Variants in TRHDE observed in about 807,000 individuals in gnomAD.
TRHDE encodes thyrotropin-releasing hormone-degrading ectoenzyme.
A neutral mutation model predicts 125.7 loss-of-function variants in TRHDE; 72 were observed. The observed-to-expected ratio is 0.57, with a 90% CI of 0.47 to 0.70. The LOEUF is 0.70. Among genes scored for constraint, TRHDE ranks in the 30% least tolerant of loss-of-function variants. TRHDE has a pLI of 0.00. For synonymous variants in TRHDE, 509 were observed against 509.1 expected (o/e 1.00, Z 0.00); for missense variants, 1,110 against 1,327.1 (o/e 0.84, Z 2.54).
chr12:72,486,399 C>A (rs139454231), intron 5 of TRHDE, among the ~76,000 whole-genome samples: 30 of 152,208 alleles, frequency 2.0e-4, no homozygotes, highest in African/African-American at 7.2e-4. Context: ...AGACATGACA[C>A]CAAGAGAGAT....
intron 2 of TRHDE, among the ~76,000 whole-genome samples, chr12:72,218,702 A>G (rs1359284793): frequency 6.6e-6 from 1 of 152,074 alleles, no homozygotes; most frequent in Non-Finnish European, 1.5e-5. Flanking sequence ...CTGCATACAC[A>G]TAACTCTAAT....
chr12:72,138,162 G>A (rs560037099), intron 2 of TRHDE, among the ~76,000 whole-genome samples: 66 of 152,288 alleles, frequency 4.3e-4, no homozygotes, highest in African/African-American at 1.6e-3. Context: ...GGATCATGAG[G>A]TCAGGAGACT....
intron 6 of TRHDE, among the ~76,000 whole-genome samples, chr12:72,510,041 G>A (rs931287148): frequency 2.0e-5 from 3 of 152,062 alleles, no homozygotes; most frequent in African/African-American, 7.2e-5. Flanking sequence ...TTCATCACAT[G>A]TGACCTGACC....
At chr12:72,179,664 T>C (rs1236235358) in intron 2 of TRHDE, among the ~76,000 whole-genome samples, 1 of 152,120 alleles carries the variant, frequency 6.6e-6, no homozygotes, top group Non-Finnish European at 1.5e-5. Flanking sequence ...AACTCATGTA[T>C]GGCTTTTTTG....
chr12:72,161,410 C>T (rs932856468), intron 2 of TRHDE, among the ~76,000 whole-genome samples: 8 of 143,232 alleles, frequency 5.6e-5, no homozygotes, highest in Admixed American at 7.3e-5. Context: ...TCCAGCCTGG[C>T]GACAGAGCGA....
At chr12:72,623,395 C>T (rs1045579652) in intron 15 of TRHDE, among the ~76,000 whole-genome samples, 5 of 151,998 alleles carry the variant, frequency 3.3e-5, no homozygotes, top group Non-Finnish European at 7.4e-5. Flanking sequence ...TGGACTCACA[C>T]CATTGCATCA....
chr12:72,326,580 G>A (rs920578356), intron 2 of TRHDE, among the ~76,000 whole-genome samples: 8 of 152,054 alleles, frequency 5.3e-5, no homozygotes, highest in Non-Finnish European at 1.0e-4. Flanking sequence ...AAAAAATAGT[G>A]TTTGGATTAA....
chr12:72,154,303 A>T (rs1876449224), intron 2 of TRHDE, among the ~76,000 whole-genome samples: 1 of 152,050 alleles, frequency 6.6e-6, no homozygotes, highest in Non-Finnish European at 1.5e-5. Context: ...TGCACATGAG[A>T]TGGGTTTCCT....
chr12:72,338,738 T>C (rs767083025), intron 2 of TRHDE, among the ~76,000 whole-genome samples: 2 of 152,172 alleles, frequency 1.3e-5, no homozygotes, highest in Non-Finnish European at 2.9e-5. Context: ...TATGGTGATG[T>C]AACTTAAGTC....
chr12:72,488,775 C>G (rs1877527277), intron 5 of TRHDE, among the ~76,000 whole-genome samples: 1 of 151,762 alleles, frequency 6.6e-6, no homozygotes, highest in Admixed American at 6.6e-5. Flanking sequence ...TCTTAGAAAA[C>G]TTAAGATGAT....
intron 5 of TRHDE, among the ~76,000 whole-genome samples, chr12:72,478,510 C>T (rs571007407): frequency 5.7e-4 from 70 of 122,702 alleles, no homozygotes; most frequent in Non-Finnish European, 9.6e-4. Context: ...AAAATATAAA[C>T]GTCTTTTTAA....
intron 3 of TRHDE, among the ~76,000 whole-genome samples, chr12:72,398,152 AG>A (rs1161646846): frequency 4.6e-5 from 7 of 152,072 alleles, no homozygotes; most frequent in African/African-American, 1.7e-4. Context: ...GTCCCTACAA[AG>A]GACATGAACT....
intron 12 of TRHDE, among the ~76,000 whole-genome samples, chr12:72,585,592 A>G (rs992684811): frequency 5.9e-5 from 9 of 152,244 alleles, no homozygotes; most frequent in African/African-American, 2.2e-4. Context: ...GAATATGACT[A>G]AAGCATACCT....
At chr12:72,393,744 A>G (rs1592413194) in intron 3 of TRHDE, among the ~76,000 whole-genome samples, 1 of 152,050 alleles carries the variant, frequency 6.6e-6, no homozygotes, top group African/African-American at 2.4e-5. Context: ...TATAGTTGAC[A>G]TTTTTTTTGT....
intron 16 of TRHDE, 63 bp from the exon 17 acceptor site, chr12:72,652,942 CTATAATTTTAG>C: frequency 7.8e-7 from 1 of 1,274,966 alleles, no homozygotes; most frequent in East Asian, 2.6e-5. Flanking sequence ...AAACTAGGTC[CTATAATTTTAG>C]TAAGATTATA....
At chr12:72,106,927 A>G (rs867993691) in intron 2 of TRHDE, among the ~76,000 whole-genome samples, 2 of 152,206 alleles carry the variant, frequency 1.3e-5, no homozygotes, top group Middle Eastern at 3.4e-3. Context: ...TACCATCTTC[A>G]AATAACAGAT....
intron 2 of TRHDE, among the ~76,000 whole-genome samples, chr12:72,234,824 A>C (rs190523591): frequency 1.3e-5 from 2 of 152,324 alleles, no homozygotes; most frequent in East Asian, 3.9e-4. Context: ...CTTCTTAATA[A>C]GCTAAAAATG....
intron 3 of TRHDE, among the ~76,000 whole-genome samples, chr12:72,396,348 A>G (rs1343341692): frequency 1.3e-5 from 2 of 151,976 alleles, no homozygotes; most frequent in Admixed American, 6.6e-5. Context: ...TCAGGCCTTG[A>G]GTTTTGCCTG....
intron 15 of TRHDE, among the ~76,000 whole-genome samples, chr12:72,636,949 A>T (rs1873782199): frequency 6.6e-6 from 1 of 152,062 alleles, no homozygotes; most frequent in South Asian, 2.1e-4. Flanking sequence ...CATCAAGGAT[A>T]TTGGTCTAAA....
Sources: allele counts gnomAD v4.1 joint callset (sites outside exome capture counted in the v4.1 genomes callset), GRCh38; gene constraint gnomAD v4.1.1; transcripts MANE v1.5; gene names NCBI Gene and HGNC (gene_info 2026-07-23, HGNC 2026-07-21).